HCN1: variants seen among roughly 807,000 people sequenced by gnomAD.
The protein encoded by HCN1 is potassium/sodium hyperpolarization-activated cyclic nucleotide-gated channel 1.
A neutral mutation model predicts 78.9 loss-of-function variants in HCN1; 13 were observed. The observed-to-expected ratio is 0.16, with a 90% CI of 0.11 to 0.26. The LOEUF (loss-of-function observed/expected upper bound fraction) is 0.26. HCN1 is among the 10% of genes least tolerant of loss of function. HCN1 has a pLI of 1.00. For synonymous variants in HCN1, 552 were observed against 455.5 expected (o/e 1.21, Z -2.70); for missense variants, 810 against 1,154.3 (o/e 0.70, Z 4.32).
At chr5:45,540,737 CA>C (rs1350250013) in intron 2 of HCN1, among the ~76,000 whole-genome samples, 1 of 151,998 alleles carries the variant, frequency 6.6e-6, no homozygotes, top group African/African-American at 2.4e-5. Context: ...TTTCTAATGG[CA>C]TTTTATTTAC....
intron 4 of HCN1, among the ~76,000 whole-genome samples, chr5:45,395,357 C>T (rs1305981249): frequency 2.0e-5 from 3 of 152,106 alleles, no homozygotes; most frequent in Non-Finnish European, 2.9e-5. Flanking sequence ...TTACTACGTT[C>T]TTCGTTCTTT....
chr5:45,695,562 C>T (rs565807677), intron 1 of HCN1, 107 bp downstream of exon 1: 2 of 1,156,520 alleles, frequency 1.7e-6, no homozygotes, highest in Non-Finnish European at 2.5e-6. Flanking sequence ...GCAGCGCCAC[C>T]CCCCGCCCGC....
intron 2 of HCN1, among the ~76,000 whole-genome samples, chr5:45,499,245 A>T (rs537957142): frequency 7.9e-5 from 12 of 152,230 alleles, no homozygotes; most frequent in Non-Finnish European, 1.3e-4. Flanking sequence ...CTCCATGCGC[A>T]TGCACGTAGG....
At chr5:45,543,625 A>G (rs975462000) in intron 2 of HCN1, among the ~76,000 whole-genome samples, 1 of 152,100 alleles carries the variant, frequency 6.6e-6, no homozygotes, top group African/African-American at 2.4e-5. Context: ...TATGGCAATC[A>G]ATTAAAATTT....
chr5:45,373,424 A>G (rs904696197), intron 4 of HCN1, among the ~76,000 whole-genome samples: 2 of 135,172 alleles, frequency 1.5e-5, no homozygotes, highest in East Asian at 2.2e-4. Flanking sequence ...TATAATATAT[A>G]TCCCTCAGAT....
intron 2 of HCN1, among the ~76,000 whole-genome samples, chr5:45,580,018 T>C (rs1031216432): frequency 3.9e-5 from 6 of 152,088 alleles, no homozygotes; most frequent in Non-Finnish European, 8.8e-5. Context: ...TTGAAAGATA[T>C]ATACTGGAGT....
intron 2 of HCN1, among the ~76,000 whole-genome samples, chr5:45,555,061 G>T (rs1417110095): frequency 1.3e-5 from 2 of 151,758 alleles, no homozygotes; most frequent in African/African-American, 2.4e-5. Context: ...AATCAGACAA[G>T]AAATAAATAA....
intron 2 of HCN1, among the ~76,000 whole-genome samples, chr5:45,628,783 C>A (rs1014204910): frequency 3.3e-5 from 5 of 151,946 alleles, no homozygotes; most frequent in African/African-American, 7.2e-5. Context: ...ACCAGCCTGG[C>A]CAACATGGTG....
At chr5:45,300,269 C>A (rs1319630458) in intron 6 of HCN1, among the ~76,000 whole-genome samples, 2 of 151,928 alleles carry the variant, frequency 1.3e-5, no homozygotes, top group East Asian at 3.9e-4. Flanking sequence ...ATCCCCAAAC[C>A]TGGCCTATAC....
intron 2 of HCN1, among the ~76,000 whole-genome samples, chr5:45,622,051 T>A (rs541481265): frequency 6.6e-6 from 1 of 152,074 alleles, no homozygotes; most frequent in South Asian, 2.1e-4. Context: ...AAACCCCGTC[T>A]CTACTAAAAA....
At position 45,266,056 on chromosome 5, in the gene HCN1, A is replaced by C. The variant is rs1441975001; in HGVS notation, c.1783+1033T>G. ...AAGGGGAGGGTGGCAAAGAGGGTTTAGGTGTGGAAAATGAATGCATACTAC... is the reference window on the plus strand; with the variant it reads ...AAGGGGAGGGTGGCAAAGAGGGTTTCGGTGTGGAAAATGAATGCATACTAC... On this transcript the variant is annotated intron_variant, in intron 7 of 7. Coordinates refer to ENST00000303230, the MANE Select transcript of HCN1 (RefSeq NM_021072.4). Among the ~76,000 whole-genome samples, 4 of 152,176 alleles carry C rather than the reference A, an allele frequency of 2.6e-5. No individual in the cohort carries two copies. The East Asian group carries it at 7.7e-4, about 29-fold the overall frequency.
Position 45,631,566 on chromosome 5 carries a change from GA to G in HCN1, c.849+13618del, listed in dbSNP as rs997627450. On this transcript the variant is annotated intron_variant, in intron 2 of 7. Coordinates refer to ENST00000303230, the MANE Select transcript of HCN1 (RefSeq NM_021072.4). ...CCTGCATGATAACATTCCCAATATT[GA>G]AAAAAAAATTGTCTTCAGGAAACTA... is the stretch of plus-strand genomic sequence containing the variant. 9.3e-5 allele frequency among the ~76,000 whole-genome samples: 14 copies of G among 150,368 alleles called. No individual in the cohort carries two copies. In the East Asian group the frequency reaches 1.4e-3, roughly 15 times the overall value.
intron 1 of HCN1, among the ~76,000 whole-genome samples, chr5:45,661,270 C>A (rs1236767343): frequency 2.0e-5 from 2 of 98,514 alleles, no homozygotes; most frequent in African/African-American, 4.0e-5. Context: ...AACAAAGACA[C>A]CACATACCAG....
chr5:45,419,548 T>C (rs1434051342), intron 3 of HCN1, among the ~76,000 whole-genome samples: 1 of 152,162 alleles, frequency 6.6e-6, no homozygotes, highest in Non-Finnish European at 1.5e-5. Context: ...TCTTTGTCCC[T>C]CCAAATCTGT....
intron 2 of HCN1, among the ~76,000 whole-genome samples, chr5:45,497,968 T>C (rs1307370462): frequency 1.3e-5 from 2 of 152,232 alleles, no homozygotes; most frequent in Non-Finnish European, 2.9e-5. Context: ...GTTAGTCTGA[T>C]GGGCTTCCCT....
At chr5:45,407,950 G>A (rs1739957477) in intron 3 of HCN1, among the ~76,000 whole-genome samples, 1 of 152,060 alleles carries the variant, frequency 6.6e-6, no homozygotes. Flanking sequence ...GCTTATGTGT[G>A]TGCTTGTGTC....
rs548822064 is a variant in HCN1, at chr5:45,570,470, G to A, written c.849+74715C>T. 1.2e-4 allele frequency among the ~76,000 whole-genome samples: 19 copies of A among 152,184 alleles called. No individual in the cohort carries two copies. The East Asian group carries it at 3.7e-3, about 29-fold the overall frequency. On this transcript the variant is annotated intron_variant, in intron 2 of 7. Transcript: ENST00000303230. ...ACCACCATACTACCTTACCAGCTGG[G>A]AGAGAAACTTCAGCAAAGCAATAAT...
intron 6 of HCN1, among the ~76,000 whole-genome samples, chr5:45,289,244 T>G (rs2111881839): frequency 6.6e-6 from 1 of 152,210 alleles, no homozygotes; most frequent in Middle Eastern, 3.4e-3. Flanking sequence ...AATGTAACAC[T>G]TATTATTCAT....
At chr5:45,498,389 G>A (rs937771792) in intron 2 of HCN1, among the ~76,000 whole-genome samples, 1 of 152,100 alleles carries the variant, frequency 6.6e-6, no homozygotes, top group Admixed American at 6.5e-5. Context: ...GGCTCCTGAG[G>A]CTTCTGCATT....
Sources: allele counts gnomAD v4.1 joint callset (sites outside exome capture counted in the v4.1 genomes callset), GRCh38; gene constraint gnomAD v4.1.1; transcripts MANE v1.5; gene names NCBI Gene and HGNC (gene_info 2026-07-23, HGNC 2026-07-21).